The following WWOX variants were observed in gnomAD, a reference collection of about 807,000 sequenced individuals.
The protein encoded by WWOX is WW domain containing oxidoreductase, also known as WW domain-containing oxidoreductase.
Under a neutral mutation model 46.2 loss-of-function variants are expected in WWOX, and 69 were observed. That is an observed-to-expected ratio of 1.49 (90% confidence interval 1.23 to 1.82). The LOEUF is 1.82. WWOX is among the 40% of genes most tolerant of loss of function. The pLI, the probability that WWOX is intolerant of heterozygous loss-of-function variation, is 0.00. For missense variants in WWOX, 919 were observed against 542.6 expected (o/e 1.69, Z -6.89); for synonymous variants, 359 against 202.6 (o/e 1.77, Z -6.56).
intron 5 of WWOX, among the ~76,000 whole-genome samples, chr16:78,358,739 G>C (rs148145677): frequency 1.3e-5 from 2 of 152,046 alleles, no homozygotes; most frequent in African/African-American, 2.4e-5. Context: ...ATACAAATGA[G>C]TTGAATATAT....
rs575826427 is a variant in WWOX at position 79,031,728 on chromosome 16, T to C, written c.1057-179880T>C. Among the ~76,000 whole-genome samples, 28 of 147,446 alleles carry C rather than the reference T, an allele frequency of 1.9e-4. 1 individual carries two copies. Among genetic ancestry groups the C allele is most frequent in the African/African-American group, 6.9e-4 (28 of 40,712 alleles). On this transcript the variant is annotated intron_variant, in intron 8 of 8. Coordinates refer to ENST00000566780, the MANE Select transcript of WWOX (RefSeq NM_016373.4). ...TTTCTAGTTTTTTTGTTTTGCTTAA[T>C]AGGCTCTCTCTCTGTCTCTTTCTTT...
chr16:78,516,284 A>C (rs765163543), intron 8 of WWOX, among the ~76,000 whole-genome samples: 1 of 152,038 alleles, frequency 6.6e-6, no homozygotes, highest in Non-Finnish European at 1.5e-5. Context: ...CTTTTACAAG[A>C]ACACTGTCCT....
intron 8 of WWOX, among the ~76,000 whole-genome samples, chr16:78,904,503 C>T (rs898531420): frequency 6.6e-6 from 1 of 151,954 alleles, no homozygotes; most frequent in Non-Finnish European, 1.5e-5. Flanking sequence ...TCCCAAAGTG[C>T]TGGGATTACA....
intron 8 of WWOX, among the ~76,000 whole-genome samples, chr16:78,446,101 G>C (rs1014444718): frequency 1.8e-4 from 27 of 152,144 alleles, no homozygotes; most frequent in African/African-American, 6.5e-4. Context: ...GTATTGATGT[G>C]TTTTTCTTCC....
chr16:78,859,050 GTATATATATATATATATATATAT>G (rs2052652693), intron 8 of WWOX, among the ~76,000 whole-genome samples: 2 of 40,840 alleles, frequency 4.9e-5, no homozygotes, highest in Non-Finnish European at 8.2e-5. Flanking sequence ...ATATATATAT[GTATATATATATATATATATATAT>G]GAAAAAAAGG....
At chr16:78,715,226 G>A (rs1038975979) in intron 8 of WWOX, among the ~76,000 whole-genome samples, 2 of 152,102 alleles carry the variant, frequency 1.3e-5, no homozygotes, top group Admixed American at 6.6e-5. Context: ...GAAAACACAA[G>A]TAAAGCTAAC....
intron 4 of WWOX, among the ~76,000 whole-genome samples, chr16:78,147,657 T>G (rs1334706097): frequency 7.0e-6 from 1 of 143,768 alleles, no homozygotes; most frequent in Non-Finnish European, 1.5e-5. Context: ...CAATCTGAAT[T>G]TTTCTTTTTC....
At chr16:78,821,682 C>G (rs1019698229) in intron 8 of WWOX, among the ~76,000 whole-genome samples, 1 of 152,178 alleles carries the variant, frequency 6.6e-6, no homozygotes, top group Admixed American at 6.5e-5. Context: ...GTGACAAAGA[C>G]AGAGGCTCAG....
At chr16:79,103,868 A>G (rs1450342949) in intron 8 of WWOX, among the ~76,000 whole-genome samples, 1 of 152,090 alleles carries the variant, frequency 6.6e-6, no homozygotes, top group Non-Finnish European at 1.5e-5. Flanking sequence ...CTGTAGATAC[A>G]CTCTGTAGGA....
intron 8 of WWOX, among the ~76,000 whole-genome samples, chr16:79,097,275 C>T (rs2049095504): frequency 6.6e-6 from 1 of 151,544 alleles, no homozygotes; most frequent in South Asian, 2.1e-4. Context: ...TAGCTGTTTC[C>T]TTAGGCATTT....
chr16:78,177,569 G>T (rs1169081952), intron 5 of WWOX, among the ~76,000 whole-genome samples: 3 of 152,208 alleles, frequency 2.0e-5, no homozygotes, highest in Non-Finnish European at 4.4e-5. Flanking sequence ...TAAGTAGTTT[G>T]TCCTGGGAAT....
rs11545028 is a variant in WWOX at position 78,099,774 on chromosome 16, C to T, written c.-5C>T. Reference sequence around the variant, plus strand: ...TAGGGGGGCCAGGTGCCTCCACAGTCAGCCATGGCAGCGCTGCGCTACGCG... The same window carrying T: ...TAGGGGGGCCAGGTGCCTCCACAGTTAGCCATGGCAGCGCTGCGCTACGCG... On this transcript the variant is annotated 5_prime_UTR_variant, in exon 1 of 9. Coordinates refer to ENST00000566780, the MANE Select transcript of WWOX (RefSeq NM_016373.4). 492,314 of 1,541,828 alleles carry T rather than the reference C, an allele frequency of 0.32. 80,658 individuals are homozygous for T. Among genetic ancestry groups the T allele is most frequent in the Non-Finnish European group, 0.34 (387,316 of 1,144,784 alleles).
intron 8 of WWOX, among the ~76,000 whole-genome samples, chr16:78,572,840 G>A (rs2044751785): frequency 6.6e-6 from 1 of 152,046 alleles, no homozygotes; most frequent in South Asian, 2.1e-4. Context: ...ACACAGGGGA[G>A]GTATTGGAAA....
intron 8 of WWOX, among the ~76,000 whole-genome samples, chr16:78,522,273 A>G (rs540630065): frequency 1.1e-4 from 16 of 152,218 alleles, no homozygotes; most frequent in Non-Finnish European, 2.1e-4. Flanking sequence ...AGGATTAAAA[A>G]AAAAAACTAG....
At chr16:78,421,540 T>G (rs1352474197) in intron 6 of WWOX, among the ~76,000 whole-genome samples, 1 of 152,194 alleles carries the variant, frequency 6.6e-6, no homozygotes, top group Non-Finnish European at 1.5e-5. Context: ...AAGGTCGCAT[T>G]CACAGATCCC....
intron 8 of WWOX, among the ~76,000 whole-genome samples, chr16:78,621,026 C>T (rs182360929): frequency 6.6e-6 from 1 of 152,240 alleles, no homozygotes; most frequent in East Asian, 1.9e-4. Context: ...TTGAAAGGCT[C>T]CTTCTGTTTA....
At chr16:79,037,401 A>G (rs2047889087) in intron 8 of WWOX, among the ~76,000 whole-genome samples, 1 of 152,058 alleles carries the variant, frequency 6.6e-6, no homozygotes, top group African/African-American at 2.4e-5. Flanking sequence ...TGTTGGGGGA[A>G]TGTGATTATC....
At chr16:78,456,315 T>A (rs1159128987) in intron 8 of WWOX, among the ~76,000 whole-genome samples, 1 of 152,122 alleles carries the variant, frequency 6.6e-6, no homozygotes, top group African/African-American at 2.4e-5. Context: ...TGAATAGTGT[T>A]GGGGGCTGAG....
chr16:78,834,817 CAATATATA>C (rs1213613123), intron 8 of WWOX, among the ~76,000 whole-genome samples: 3 of 152,060 alleles, frequency 2.0e-5, no homozygotes, highest in South Asian at 4.1e-4. Context: ...AAAAATTATG[CAATATATA>C]AATATGAAGC....
Sources: gnomAD v4.1 joint callset for allele counts (sites outside exome capture counted in the v4.1 genomes callset) on GRCh38, gnomAD v4.1.1 for gene constraint, MANE v1.5 for transcripts, NCBI Gene and HGNC (gene_info 2026-07-23, HGNC 2026-07-21) for gene names.